Variants in FUT8 observed in about 807,000 individuals in gnomAD.
The protein encoded by FUT8 is fucosyltransferase 8.
Under a neutral mutation model 71.3 loss-of-function variants are expected in FUT8, and 29 were observed. The observed-to-expected ratio is 0.41, with a 90% CI of 0.30 to 0.55. The LOEUF is 0.55. Among genes scored for constraint, FUT8 ranks in the 20% least tolerant of loss-of-function variants. FUT8 has a pLI of 0.34. For missense variants in FUT8, 544 were observed against 702.1 expected, an observed-to-expected ratio of 0.77 and a Z score of 2.55; for synonymous variants, 254 against 239.3, an observed-to-expected ratio of 1.06 and a Z score of -0.57.
chr14:65,645,660 G>C (rs1428719285), intron 6 of FUT8, among the ~76,000 whole-genome samples: 3 of 152,108 alleles, frequency 2.0e-5, no homozygotes, highest in African/African-American at 7.2e-5. Flanking sequence ...AGGAAAAAAT[G>C]GTTCATATAA....
Position 65,669,272 on chromosome 14 carries a change from G to T in FUT8, c.627G>T (p.Lys209Asn). ...CCAAGGACTGCAGCAAAGCCAAAAA[G>T]CTGGTGTGTAATATCAACAAAGGCT... ...QNPKDCSKAKKLVCNINKGCG... is the reference protein window; with the variant it reads ...QNPKDCSKAKNLVCNINKGCG... Residue 209 changes from lysine (K) to asparagine (N), a missense_variant, in exon 7 of 11, where the codon AAG becomes AAT. By Grantham distance (94) the Lys-to-Asn change is moderately conservative. Coordinates refer to ENST00000673929, the MANE Select transcript of FUT8 (RefSeq NM_001371533.1). The surrounding 1 kb of genome is among the most constrained non-coding windows in gnomAD (Gnocchi z 4.5). 6.2e-7 allele frequency: 1 copy of T among 1,613,670 alleles called. No homozygotes were observed.
intron 7 of FUT8, among the ~76,000 whole-genome samples, chr14:65,701,772 G>A (rs1199048690): frequency 6.6e-6 from 1 of 152,050 alleles, no homozygotes; most frequent in Non-Finnish European, 1.5e-5. Flanking sequence ...TAAATTCCTA[G>A]ATCTAGTACA....
In FUT8 at chr14:65,550,505, A is replaced by C. The variant is rs1445881923; in HGVS notation, c.-227-10832A>C. On this transcript the variant is annotated intron_variant, in intron 2 of 10. Coordinates refer to ENST00000673929, the MANE Select transcript of FUT8 (RefSeq NM_001371533.1). The surrounding 1 kb of genome is among the most constrained non-coding windows in gnomAD (Gnocchi z 4.5). The stretch of plus-strand genomic sequence containing the variant: ...TGAAGAACAAAATGGTTGTAGGGTT[A>C]CTCAGAGTGGTTTCTACTGAATATA... Among the ~76,000 whole-genome samples, 1 of 152,210 alleles carries C rather than the reference A, an allele frequency of 6.6e-6. No individual in the cohort carries two copies. The highest frequency in any genetic ancestry group is 6.5e-5 in the Admixed American group (1 of 15,282).
In FUT8 at chr14:65,616,336, G is replaced by T. The variant is rs780382949; in HGVS notation, c.445G>T (p.Ala149Ser). ...AGAAGGAAATGAACTCCAAAGACAT[G>T]CAGATGAATTTCTTTTGGATTTAGG... is the stretch of plus-strand genomic sequence containing the variant. Reference protein sequence around the residue: ...NLEGNELQRHADEFLLDLGHH... With the variant: ...NLEGNELQRHSDEFLLDLGHH... The change falls in exon 5 of 11, where the codon GCA becomes TCA. Residue 149 changes from alanine to serine, a missense_variant. Physicochemically the swap from Ala to Ser is moderately conservative, Grantham distance 99. Coordinates refer to ENST00000673929, the MANE Select transcript of FUT8 (RefSeq NM_001371533.1). 28 of 1,607,952 alleles carry T rather than the reference G, an allele frequency of 1.7e-5. No individual in the cohort carries two copies. Among genetic ancestry groups the T allele is most frequent in the Admixed American group, 3.4e-5 (2 of 58,312 alleles).
At chr14:65,650,707 C>CAAAAAAAAAAAAAA (rs57971519) in intron 6 of FUT8, among the ~76,000 whole-genome samples, 7 of 118,954 alleles carry the variant, frequency 5.9e-5, no homozygotes, top group African/African-American at 2.0e-4. Flanking sequence ...CTGCTAATTA[C>CAAAAAAAAAAAAAA]AAAAAAAAAA....
At chr14:65,629,418 T>A (rs1890059944) in intron 5 of FUT8, 74 bp from the exon 6 acceptor site, 1 of 862,934 alleles carries the variant, frequency 1.2e-6, no homozygotes, top group Non-Finnish European at 1.9e-6. Context: ...AATCTGGCAT[T>A]CTTCTTAAGA....
At chr14:65,506,007 G>C (rs567666261) in intron 2 of FUT8, among the ~76,000 whole-genome samples, 39 of 152,200 alleles carry the variant, frequency 2.6e-4, no homozygotes, top group Non-Finnish European at 2.4e-4. Context: ...TGTTCACTGT[G>C]TAAAGGGTTC....
the FUT8 span, among the ~76,000 whole-genome samples, chr14:65,386,691 T>C: frequency 1.3e-5 from 2 of 151,956 alleles, no homozygotes; most frequent in Non-Finnish European, 2.9e-5. Flanking sequence ...TGGATATGTT[T>C]CTATTGATTA....
intron 2 of FUT8, among the ~76,000 whole-genome samples, chr14:65,541,399 C>A (rs945391242): frequency 6.6e-6 from 1 of 152,124 alleles, no homozygotes; most frequent in Non-Finnish European, 1.5e-5. Context: ...AGCTCAAAGG[C>A]CAGAAAACCA....
At chr14:65,706,204 G>A (rs943901341) in intron 7 of FUT8, among the ~76,000 whole-genome samples, 3 of 152,156 alleles carry the variant, frequency 2.0e-5, no homozygotes, top group Admixed American at 6.6e-5. Context: ...AAACTGGGAT[G>A]AAGTTAAATA....
At chr14:65,510,771 T>C (rs1236775285) in intron 2 of FUT8, among the ~76,000 whole-genome samples, 2 of 152,176 alleles carry the variant, frequency 1.3e-5, no homozygotes, top group African/African-American at 2.4e-5. Context: ...TCGGTTGTAC[T>C]GTCTCCTTTG....
At chr14:65,386,729 T>C in the FUT8 span, among the ~76,000 whole-genome samples, 2 of 151,688 alleles carry the variant, frequency 1.3e-5, no homozygotes, top group African/African-American at 2.4e-5. Flanking sequence ...TTATGGATTA[T>C]ATTTTTCTGA....
At chr14:65,562,249 A>G (rs1351269452) in intron 3 of FUT8, among the ~76,000 whole-genome samples, 1 of 152,168 alleles carries the variant, frequency 6.6e-6, no homozygotes, top group African/African-American at 2.4e-5. Context: ...AAAAATTGAT[A>G]TATTAAATCC....
the FUT8 span, among the ~76,000 whole-genome samples, chr14:65,394,988 T>G: frequency 1.3e-5 from 2 of 152,154 alleles, no homozygotes; most frequent in Admixed American, 1.3e-4. Flanking sequence ...ATGATCCACC[T>G]GCCTCAGCCT....
intron 2 of FUT8, among the ~76,000 whole-genome samples, chr14:65,517,340 T>G (rs1184823930): frequency 6.6e-6 from 1 of 152,118 alleles, no homozygotes; most frequent in Non-Finnish European, 1.5e-5. Context: ...ATTGTGGGGG[T>G]ATAAAGAGTT....
intron 2 of FUT8, among the ~76,000 whole-genome samples, chr14:65,542,103 A>G (rs996188530): frequency 6.6e-6 from 1 of 152,232 alleles, no homozygotes; most frequent in African/African-American, 2.4e-5. Flanking sequence ...ATTAAATATT[A>G]TGATATCTGT....
the FUT8 span, among the ~76,000 whole-genome samples, chr14:65,383,729 C>T: frequency 4.3e-4 from 65 of 152,266 alleles, no homozygotes; most frequent in African/African-American, 1.4e-3. Context: ...CTTGTCTTTG[C>T]GTATACTATT....
intron 2 of FUT8, 39 bp from the exon 3 acceptor site, chr14:65,561,298 C>A: frequency 7.6e-6 from 3 of 394,664 alleles, no homozygotes; most frequent in South Asian, 8.1e-5. Flanking sequence ...ATTTTATATA[C>A]CTTAAATAAT....
At chr14:65,664,055 A>G (rs923777435) in intron 6 of FUT8, among the ~76,000 whole-genome samples, 1 of 152,102 alleles carries the variant, frequency 6.6e-6, no homozygotes, top group African/African-American at 2.4e-5. Flanking sequence ...CTATCTTTGC[A>G]GTAATTCAGT....
Sources: allele counts gnomAD v4.1 joint callset (sites outside exome capture counted in the v4.1 genomes callset), GRCh38; gene constraint gnomAD v4.1.1; non-coding constraint Gnocchi (gnomAD v3.1); transcripts MANE v1.5; gene names NCBI Gene and HGNC (gene_info 2026-07-23, HGNC 2026-07-21).